SLC16A4: variants seen among roughly 807,000 people sequenced by gnomAD.
The protein encoded by SLC16A4 is solute carrier family 16 member 4, also known as probable monocarboxylate transporter 5.
A neutral mutation model predicts 47.9 loss-of-function variants in SLC16A4; 39 were observed. The ratio of observed to expected loss-of-function variants is 0.81; its 90% CI spans 0.63 to 1.06. The LOEUF (loss-of-function observed/expected upper bound fraction) is 1.06. Ranked by LOEUF, SLC16A4 falls within the 50% of genes least tolerant of loss-of-function variation. The probability of loss-of-function intolerance (pLI) is 0.00; values close to 1 mark genes in which losing one functional copy is unlikely to be tolerated. For synonymous variants in SLC16A4, 189 were observed against 199.9 expected (o/e 0.95, Z 0.46); for missense variants, 524 against 573.8 (o/e 0.91, Z 0.89).
At chr1:110,379,500 A>G (rs1299538815) in intron 5 of SLC16A4, 144 bp from the exon 6 acceptor site, 7 of 718,132 alleles carry the variant, frequency 9.7e-6, no homozygotes, top group Non-Finnish European at 1.6e-5. Context: ...CTTATTAGTC[A>G]TATACACTGC....
At chr1:110,383,314 G>C (rs1169666182) in intron 2 of SLC16A4, among the ~76,000 whole-genome samples, 1 of 152,194 alleles carries the variant, frequency 6.6e-6, no homozygotes, top group Non-Finnish European at 1.5e-5. Context: ...AATAGAGAAA[G>C]AGTTATTCCC....
At chr1:110,382,652 C>T (rs1464381965) in intron 3 of SLC16A4, among the ~76,000 whole-genome samples, 182 bp downstream of exon 3, 1 of 152,076 alleles carries the variant, frequency 6.6e-6, no homozygotes, top group African/African-American at 2.4e-5. Flanking sequence ...CTGATTCTCC[C>T]AACTTTGTTA....
rs764150737 is a variant in SLC16A4 at position 110,382,903 on chromosome 1, C to T, written c.151G>A (p.Glu51Lys). The change falls in exon 3 of 9, where the codon GAG (glutamate) becomes AAG (lysine). Residue 51 changes from glutamate to lysine, a missense_variant. Glu to Lys is a moderately conservative substitution (Grantham distance 56, BLOSUM62 1). Coordinates refer to ENST00000369779, the MANE Select transcript of SLC16A4 (RefSeq NM_004696.3). ...FAIFFVVFQE[E>K]FEGTSEQIGW... ...ATTTGCTCTGAGGTGCCTTCAAACT[C>T]TTCTTGAAAGACCACAAAGAAAATT... The T allele has an allele frequency of 6.2e-7, 1 of 1,612,682 alleles. No homozygotes were observed. The highest frequency in any genetic ancestry group is 2.2e-5 in the East Asian group (1 of 44,842).
At chr1:110,374,108 C>A (rs964379942) in intron 8 of SLC16A4, among the ~76,000 whole-genome samples, 1 of 151,682 alleles carries the variant, frequency 6.6e-6, no homozygotes, top group Admixed American at 6.6e-5. Flanking sequence ...AAAGTGAAGT[C>A]GGCTCACTGC....
At chr1:110,382,783 G>T in intron 3 of SLC16A4, 51 bp downstream of exon 3, 1 of 1,456,270 alleles carries the variant, frequency 6.9e-7, no homozygotes. Flanking sequence ...TCTTGGAATT[G>T]CCCTTTGTGG....
chr1:110,389,639 T>C (rs1043628336), intron 1 of SLC16A4, among the ~76,000 whole-genome samples: 12 of 152,142 alleles, frequency 7.9e-5, no homozygotes, highest in African/African-American at 2.9e-4. Flanking sequence ...AGCAAAGACA[T>C]GGAATCAACC....
intron 3 of SLC16A4, 102 bp from the exon 4 acceptor site, chr1:110,381,897 G>T: frequency 9.0e-7 from 1 of 1,117,036 alleles, no homozygotes; most frequent in Non-Finnish European, 1.3e-6. Flanking sequence ...CAAGAGGACT[G>T]TTTACTTTGA....
intron 8 of SLC16A4, among the ~76,000 whole-genome samples, chr1:110,365,299 C>G (rs1433786581): frequency 6.6e-6 from 1 of 151,876 alleles, no homozygotes; most frequent in African/African-American, 2.4e-5. Context: ...TACCCTCCCC[C>G]ACCTTTTTCT....
rs182743842 is a variant in SLC16A4, at chr1:110,388,140, A to T, written c.87+1097T>A. Among the ~76,000 whole-genome samples, 5 of 152,216 alleles carry T rather than the reference A, an allele frequency of 3.3e-5. No individual in the cohort carries two copies. In the South Asian group the frequency reaches 6.2e-4, roughly 19 times the overall value. On this transcript the variant is annotated intron_variant, in intron 2 of 8. Transcript: ENST00000369779. ...TTTTTGAGTGCATCTCAAAGTTAAT[A>T]GAACTCTGGAAACACTTAAGAATTG... is the stretch of plus-strand genomic sequence containing the variant.
chr1:110,389,463 T>C (rs1361841672), intron 1 of SLC16A4, 108 bp from the exon 2 acceptor site: 1 of 733,456 alleles, frequency 1.4e-6, no homozygotes, highest in Non-Finnish European at 2.3e-6. Flanking sequence ...GAATGCAAAT[T>C]AGTTCAGCCA....
At chr1:110,381,305 G>A (rs946557106) in intron 4 of SLC16A4, among the ~76,000 whole-genome samples, 162 bp from the exon 5 acceptor site, 6 of 141,248 alleles carry the variant, frequency 4.2e-5, no homozygotes, top group African/African-American at 1.7e-4. Flanking sequence ...ATGGATGGAT[G>A]CATATATACA....
At chr1:110,388,236 A>G (rs1434821557) in intron 2 of SLC16A4, among the ~76,000 whole-genome samples, 1 of 152,170 alleles carries the variant, frequency 6.6e-6, no homozygotes, top group African/African-American at 2.4e-5. Flanking sequence ...TGGAATGGGC[A>G]TGCTGATGAT....
At chr1:110,381,288 A>G (rs571587055) in intron 4 of SLC16A4, 145 bp from the exon 5 acceptor site, 40 of 669,864 alleles carry the variant, frequency 6.0e-5, no homozygotes, top group African/African-American at 4.2e-4. Flanking sequence ...TCCATCTTCT[A>G]TCTTCTATGG....
At chr1:110,375,589 G>A (rs758084877) in intron 7 of SLC16A4, 38 bp from the exon 8 acceptor site, 1 of 1,187,142 alleles carries the variant, frequency 8.4e-7, no homozygotes, top group East Asian at 2.3e-5. Context: ...CATATTAAGG[G>A]TGAAATTCTA....
At chr1:110,377,300 G>C in intron 6 of SLC16A4, 139 bp from the exon 7 acceptor site, 1 of 671,716 alleles carries the variant, frequency 1.5e-6, no homozygotes, top group Non-Finnish European at 2.5e-6. Flanking sequence ...TTGTGTACCA[G>C]TAAGCTCTAT....
In SLC16A4 at chr1:110,372,175, T is replaced by G. The variant is rs1661719871; in HGVS notation, c.1336+3283A>C. On this transcript the variant is annotated intron_variant, in intron 8 of 8. Coordinates refer to ENST00000369779, the MANE Select transcript of SLC16A4 (RefSeq NM_004696.3). Reference sequence around the variant, plus strand: ...AATATTGTTCATGTAATGTGTTACCTTTTTTTGTCTGTGTGATCTACAAGA... The same window carrying G: ...AATATTGTTCATGTAATGTGTTACCGTTTTTTGTCTGTGTGATCTACAAGA... The G allele has an allele frequency of 2.6e-5, 4 of 152,288 alleles. No homozygotes were observed. In the South Asian group the frequency reaches 8.3e-4, roughly 32 times the overall value. The allele number at this position is 152,288 out of a possible 1,614,324, so 9.4% of individuals were successfully genotyped here. A position where few individuals can be genotyped will look rare whatever the true frequency, so the allele number is the denominator to read the frequency against.
chr1:110,389,413 A>G (rs1662909975), intron 1 of SLC16A4, 58 bp from the exon 2 acceptor site: 2 of 1,047,310 alleles, frequency 1.9e-6, no homozygotes, highest in Non-Finnish European at 2.9e-6. Context: ...AAACTTTTAA[A>G]CTTTTTATCT....
chr1:110,363,679 A>T lies in SLC16A4; in HGVS notation c.*87T>A. ...TTCTCATGTTACAAATGTAGATGCGATGTGTTTCTTTCAAGCTTTTGTTTC... is the reference window on the plus strand; with the variant it reads ...TTCTCATGTTACAAATGTAGATGCGTTGTGTTTCTTTCAAGCTTTTGTTTC... On this transcript the variant is annotated 3_prime_UTR_variant, in exon 9 of 9. Coordinates refer to ENST00000369779, the MANE Select transcript of SLC16A4 (RefSeq NM_004696.3). 8.7e-7 allele frequency: 1 copy of T among 1,150,288 alleles called. No individual in the cohort carries two copies. The highest frequency in any genetic ancestry group is 1.2e-6 in the Non-Finnish European group (1 of 829,096). 71.3% of individuals were successfully genotyped at this position (1,150,288 alleles called of 1,614,324 possible).
intron 3 of SLC16A4, 70 bp from the exon 4 acceptor site, chr1:110,381,865 T>G: frequency 7.3e-7 from 1 of 1,369,862 alleles, no homozygotes; most frequent in Non-Finnish European, 1.0e-6. Context: ...CTGATGGCGA[T>G]TTAAATGAAT....
Sources: gnomAD v4.1 joint callset for allele counts (sites outside exome capture counted in the v4.1 genomes callset) on GRCh38, gnomAD v4.1.1 for gene constraint, MANE v1.5 for transcripts, NCBI Gene and HGNC (gene_info 2026-07-23, HGNC 2026-07-21) for gene names.